Variants in ITFG1 observed in about 807,000 individuals in gnomAD.
ITFG1 encodes the protein T-cell immunomodulatory protein.
ITFG1 carries 34 observed loss-of-function variants against 81.8 expected under a neutral mutation model. The observed-to-expected ratio is 0.42, with a 90% CI of 0.32 to 0.55. The LOEUF (loss-of-function observed/expected upper bound fraction) is 0.55. ITFG1 is among the 20% of genes least tolerant of loss of function. The probability of loss-of-function intolerance (pLI) is 0.17; values close to 1 mark genes in which losing one functional copy is unlikely to be tolerated. For synonymous variants in ITFG1, 285 were observed against 270.6 expected, an observed-to-expected ratio of 1.05 and a Z score of -0.52; for missense variants, 672 against 755.4, an observed-to-expected ratio of 0.89 and a Z score of 1.29.
intron 14 of ITFG1, among the ~76,000 whole-genome samples, chr16:47,217,841 C>T (rs1325977874): frequency 3.3e-5 from 5 of 152,282 alleles, no homozygotes; most frequent in Middle Eastern, 3.4e-3. Context: ...AGGAGAATGG[C>T]GGGAACCCGG....
At chr16:47,406,140 C>A (rs1968726284) in intron 6 of ITFG1, among the ~76,000 whole-genome samples, 1 of 152,136 alleles carries the variant, frequency 6.6e-6, no homozygotes, top group Admixed American at 6.5e-5. Flanking sequence ...TGATAAAGAT[C>A]AACTATTTTT....
At chr16:47,210,446 A>C (rs1965549279) in intron 14 of ITFG1, among the ~76,000 whole-genome samples, 1 of 152,154 alleles carries the variant, frequency 6.6e-6, no homozygotes, top group Admixed American at 6.5e-5. Flanking sequence ...TGTGATTTGC[A>C]AATATCTTTC....
At chr16:47,323,105 A>G (rs1307352886) in intron 8 of ITFG1, among the ~76,000 whole-genome samples, 1 of 152,032 alleles carries the variant, frequency 6.6e-6, no homozygotes, top group East Asian at 1.9e-4. Flanking sequence ...TATGATTTGA[A>G]TATTTGTCCC....
At chr16:47,214,826 G>T (rs768345666) in intron 14 of ITFG1, among the ~76,000 whole-genome samples, 6 of 145,946 alleles carry the variant, frequency 4.1e-5, no homozygotes, top group Non-Finnish European at 8.8e-5. Flanking sequence ...ATTAATTTAT[G>T]TTGTTGTTGT....
At chr16:47,412,058 T>C (rs1392705926) in intron 6 of ITFG1, among the ~76,000 whole-genome samples, 1 of 152,036 alleles carries the variant, frequency 6.6e-6, no homozygotes, top group African/African-American at 2.4e-5. Flanking sequence ...AATATTCAAC[T>C]TAAACCACAG....
intron 10 of ITFG1, among the ~76,000 whole-genome samples, chr16:47,288,754 C>A (rs940248756): frequency 5.3e-5 from 8 of 152,144 alleles, no homozygotes; most frequent in African/African-American, 1.9e-4. Context: ...CAAAAACTAG[C>A]CAGCGTGGTG....
At chr16:47,433,333 A>G (rs1204388304) in intron 5 of ITFG1, among the ~76,000 whole-genome samples, 1 of 152,262 alleles carries the variant, frequency 6.6e-6, no homozygotes, top group Non-Finnish European at 1.5e-5. Flanking sequence ...CTGATTTCAT[A>G]TACAAGTCTG....
At chr16:47,439,014 C>T (rs1271418609) in intron 5 of ITFG1, among the ~76,000 whole-genome samples, 10 of 152,062 alleles carry the variant, frequency 6.6e-5, no homozygotes, top group East Asian at 3.9e-4. Context: ...CTGAAAACCA[C>T]GGCACGAGAA....
chr16:47,384,123 T>A (rs1596947649), intron 6 of ITFG1, among the ~76,000 whole-genome samples: 1 of 152,296 alleles, frequency 6.6e-6, no homozygotes, highest in Non-Finnish European at 1.5e-5. Context: ...CAAATTCAAC[T>A]TCAAAGTGAT....
chr16:47,221,287 G>A (rs1384389476), intron 13 of ITFG1, among the ~76,000 whole-genome samples: 1 of 152,138 alleles, frequency 6.6e-6, no homozygotes, highest in Non-Finnish European at 1.5e-5. Context: ...AGAGTTTTTA[G>A]CATGAAGGGT....
rs376147469 is a variant in ITFG1, at chr16:47,445,324, C to G, written c.560+6072G>C. On this transcript the variant is annotated intron_variant, in intron 5 of 17. Transcript: ENST00000320640. ...GGGTTTTCACATCCCAGCAAATCAC[C>G]ATTAGTAAGATTTAGGAAATGTAAG... Among the ~76,000 whole-genome samples the G allele has an allele frequency of 4.7e-4, 71 of 150,486 alleles. 3 individuals are homozygous for G. The South Asian group carries it at 0.015, about 32-fold the overall frequency.
chr16:47,181,773 G>C (rs1003383683), intron 14 of ITFG1, among the ~76,000 whole-genome samples: 1 of 152,188 alleles, frequency 6.6e-6, no homozygotes, highest in Non-Finnish European at 1.5e-5. Context: ...TTGAGAAATC[G>C]GATGTTTGCT....
Position 47,351,747 on chromosome 16 carries a change from T to C in ITFG1, c.802+14041A>G, listed in dbSNP as rs967904842. Among the ~76,000 whole-genome samples the C allele has an allele frequency of 2.4e-4, 36 of 152,288 alleles. 1 individual carries two copies. The highest frequency in any genetic ancestry group is 1.6e-3 in the Admixed American group (25 of 15,286). On this transcript the variant is annotated intron_variant, in intron 8 of 17. Coordinates refer to ENST00000320640, the MANE Select transcript of ITFG1 (RefSeq NM_030790.5). ...ATACGGAACCAAAAAAGAGCCCGCA[T>C]TGCCAAGTCAATCCTAAGCCAAAAG... is the stretch of plus-strand genomic sequence containing the variant.
chr16:47,156,175 G>A (rs1964701566), intron 17 of ITFG1, among the ~76,000 whole-genome samples: 1 of 152,100 alleles, frequency 6.6e-6, no homozygotes, highest in Non-Finnish European at 1.5e-5. Context: ...GGTGGCTCAT[G>A]CCTGTAATCC....
intron 14 of ITFG1, among the ~76,000 whole-genome samples, chr16:47,214,469 T>G (rs1233072239): frequency 1.3e-5 from 2 of 152,198 alleles, no homozygotes; most frequent in Non-Finnish European, 2.9e-5. Context: ...ATTTTGCCAA[T>G]GTACTCCATT....
intron 14 of ITFG1, among the ~76,000 whole-genome samples, chr16:47,190,328 AG>A (rs777746736): frequency 1.1e-4 from 17 of 152,202 alleles, no homozygotes; most frequent in Non-Finnish European, 2.1e-4. Flanking sequence ...GTTGCAAGAT[AG>A]GTTATTTTTA....
chr16:47,400,457 TACAC>T (rs111375193), intron 6 of ITFG1, among the ~76,000 whole-genome samples: 5,153 of 136,968 alleles, frequency 0.038, 100 homozygotes, highest in Middle Eastern at 0.056. Context: ...AGAGTCACTT[TACAC>T]ACACACACAC....
chr16:47,222,129 C>A (rs1422259260), intron 13 of ITFG1, among the ~76,000 whole-genome samples: 1 of 151,874 alleles, frequency 6.6e-6, no homozygotes. Context: ...CTTCTGCTAG[C>A]TTTTGAATGT....
chr16:47,415,672 T>C (rs1219754551), intron 6 of ITFG1, among the ~76,000 whole-genome samples: 3 of 152,186 alleles, frequency 2.0e-5, no homozygotes, highest in Non-Finnish European at 4.4e-5. Flanking sequence ...TACCATTTTT[T>C]CCAATCATAA....
Sources: gnomAD v4.1 joint callset for allele counts (sites outside exome capture counted in the v4.1 genomes callset) on GRCh38, gnomAD v4.1.1 for gene constraint, MANE v1.5 for transcripts, NCBI Gene and HGNC (gene_info 2026-07-23, HGNC 2026-07-21) for gene names.